The following BLTP3B variants were observed in gnomAD, a reference collection of about 807,000 sequenced individuals.
BLTP3B encodes the protein bridge-like lipid transfer protein family member 3B.
chr12:100,142,470 G>C, the BLTP3B span: 1 of 1,098,544 alleles, frequency 9.1e-7, no homozygotes, highest in Non-Finnish European at 1.3e-6. Context: ...GGCCAGAGCG[G>C]GGAAGTCCGA....
At chr12:100,051,214 T>C in the BLTP3B span, 3 of 1,610,480 alleles carry the variant, frequency 1.9e-6, no homozygotes, top group African/African-American at 2.7e-5. Flanking sequence ...TTGAGTTCTT[T>C]TTATTTCCTG....
chr12:100,130,921 A>AATACATACATAC, the BLTP3B span, among the ~76,000 whole-genome samples: 1,318 of 127,674 alleles, frequency 0.01, 33 homozygotes, highest in African/African-American at 0.039. Context: ...ATCTCAAAAA[A>AATACATACATAC]ATACATACAT....
the BLTP3B span, among the ~76,000 whole-genome samples, chr12:100,062,044 T>C: frequency 1.3e-5 from 2 of 152,086 alleles, no homozygotes; most frequent in Admixed American, 1.3e-4. Flanking sequence ...AGGAGGGACA[T>C]ACACACATAC....
chr12:100,068,532 AAC>A, the BLTP3B span, among the ~76,000 whole-genome samples: 1 of 152,268 alleles, frequency 6.6e-6, no homozygotes, highest in Non-Finnish European at 1.5e-5. Flanking sequence ...CAGCAAAAGG[AAC>A]AGTTAGAAGA....
At chr12:100,094,752 C>T in the BLTP3B span, among the ~76,000 whole-genome samples, 31 of 152,194 alleles carry the variant, frequency 2.0e-4, no homozygotes, top group African/African-American at 7.0e-4. Flanking sequence ...CCCAGCTACG[C>T]GGGGGGCTGA....
the BLTP3B span, among the ~76,000 whole-genome samples, chr12:100,106,372 A>G: frequency 6.6e-6 from 1 of 152,174 alleles, no homozygotes; most frequent in South Asian, 2.1e-4. Context: ...CCATCAACCT[A>G]TGAGTGGTTA....
the BLTP3B span, among the ~76,000 whole-genome samples, chr12:100,108,770 C>G: frequency 3.3e-5 from 5 of 152,126 alleles, no homozygotes; most frequent in Non-Finnish European, 7.4e-5. Context: ...ATGGATGGAA[C>G]TGGAGGACAC....
At chr12:100,133,836 G>A in the BLTP3B span, among the ~76,000 whole-genome samples, 5 of 152,208 alleles carry the variant, frequency 3.3e-5, no homozygotes, top group Admixed American at 6.5e-5. Context: ...CCCTTTCCAC[G>A]GTCTCAGTTA....
At chr12:100,103,298 G>A in the BLTP3B span, among the ~76,000 whole-genome samples, 1 of 151,838 alleles carries the variant, frequency 6.6e-6, no homozygotes, top group Non-Finnish European at 1.5e-5. Flanking sequence ...AGCAGGAAAT[G>A]TGAAAAAAAA....
the BLTP3B span, chr12:100,058,512 CTTCTAA>C: frequency 7.4e-6 from 12 of 1,613,372 alleles, no homozygotes; most frequent in Admixed American, 1.7e-5. Context: ...AACAGTTACA[CTTCTAA>C]TTCTATTTAT....
the BLTP3B span, chr12:100,057,810 T>C: frequency 2.8e-5 from 40 of 1,444,594 alleles, no homozygotes; most frequent in East Asian, 9.7e-4. Flanking sequence ...AAAAAATACT[T>C]CTAAGAGAAT....
the BLTP3B span, among the ~76,000 whole-genome samples, chr12:100,049,133 A>G: frequency 6.6e-6 from 1 of 152,138 alleles, no homozygotes; most frequent in Non-Finnish European, 1.5e-5. Flanking sequence ...AGTAGTTGGT[A>G]AGATTAATAA....
chr12:100,054,129 GATAAATT>G, the BLTP3B span, among the ~76,000 whole-genome samples: 1 of 152,096 alleles, frequency 6.6e-6, no homozygotes, highest in African/African-American at 2.4e-5. Context: ...TTTTATAACT[GATAAATT>G]ATAAACAATC....
At chr12:100,083,151 C>G in the BLTP3B span, 1 of 1,584,254 alleles carries the variant, frequency 6.3e-7, no homozygotes, top group Non-Finnish European at 8.7e-7. Context: ...GAAACAAAAA[C>G]TCCTTTCAAT....
chr12:100,043,873 T>C, the BLTP3B span, among the ~76,000 whole-genome samples: 1 of 152,178 alleles, frequency 6.6e-6, no homozygotes. Context: ...CAGTATCTTG[T>C]TGGGGAGATT....
the BLTP3B span, among the ~76,000 whole-genome samples, chr12:100,113,785 C>T: frequency 6.6e-6 from 1 of 151,106 alleles, no homozygotes; most frequent in South Asian, 2.1e-4. Context: ...TAGAGACACC[C>T]TGTCTCAGAA....
At chr12:100,138,663 T>A in the BLTP3B span, among the ~76,000 whole-genome samples, 2 of 152,226 alleles carry the variant, frequency 1.3e-5, no homozygotes, top group Non-Finnish European at 2.9e-5. Context: ...GTGAGGTGAA[T>A]GTCTGCCCAG....
chr12:100,065,251 T>C, the BLTP3B span, among the ~76,000 whole-genome samples: 50 of 151,840 alleles, frequency 3.3e-4, no homozygotes, highest in African/African-American at 1.2e-3. Flanking sequence ...GCGTTAACTA[T>C]ACAAATTGAT....
At chr12:100,133,579 G>A in the BLTP3B span, among the ~76,000 whole-genome samples, 2 of 152,192 alleles carry the variant, frequency 1.3e-5, no homozygotes, top group Non-Finnish European at 2.9e-5. Context: ...AAGGGTACTG[G>A]ATCAGTGACT....
Sources: gnomAD v4.1 joint callset for allele counts (sites outside exome capture counted in the v4.1 genomes callset) on GRCh38, gnomAD v4.1.1 for gene constraint, MANE v1.5 for transcripts, NCBI Gene and HGNC (gene_info 2026-07-23, HGNC 2026-07-21) for gene names.